Variants in SPAG16 observed in about 807,000 individuals in gnomAD.
The protein encoded by SPAG16 is sperm associated antigen 16, also known as sperm-associated antigen 16 protein.
In SPAG16, 86 loss-of-function variants were observed where a neutral mutation model predicts 80.4. The ratio of observed to expected loss-of-function variants is 1.07; its 90% CI spans 0.90 to 1.28. The LOEUF (loss-of-function observed/expected upper bound fraction) is 1.28, where lower values mean the gene tolerates loss of function less well. Ranked by LOEUF, SPAG16 falls within the 50% of genes most tolerant of loss-of-function variation. The probability of loss-of-function intolerance (pLI) is 0.00; values close to 1 mark genes in which losing one functional copy is unlikely to be tolerated. For synonymous variants in SPAG16, 294 were observed against 265.9 expected, an observed-to-expected ratio of 1.11 and a Z score of -1.03; for missense variants, 870 against 765.3, an observed-to-expected ratio of 1.14 and a Z score of -1.61.
intron 11 of SPAG16, among the ~76,000 whole-genome samples, chr2:213,920,853 G>A (rs2078188457): frequency 6.6e-6 from 1 of 152,198 alleles, no homozygotes; most frequent in Non-Finnish European, 1.5e-5. Context: ...AATCCTTTTG[G>A]CTCTGCATCA....
intron 13 of SPAG16, among the ~76,000 whole-genome samples, chr2:214,093,518 A>G (rs970521849): frequency 2.0e-5 from 3 of 147,202 alleles, no homozygotes; most frequent in East Asian, 1.9e-4. Flanking sequence ...GTGTGTATGT[A>G]TATGTGTATG....
chr2:213,479,464 G>A (rs1382928729), intron 9 of SPAG16, among the ~76,000 whole-genome samples: 1 of 150,954 alleles, frequency 6.6e-6, no homozygotes, highest in Non-Finnish European at 1.5e-5. Flanking sequence ...CTTTTTGTTT[G>A]TGTGTGTGTG....
rs569779568 is a variant in SPAG16 at position 213,562,322 on chromosome 2, T to C, written c.1070+72232T>C. Among the ~76,000 whole-genome samples, 4 of 152,332 alleles carry C rather than the reference T, an allele frequency of 2.6e-5. No homozygotes were observed. The South Asian group carries it at 8.3e-4, about 32-fold the overall frequency. ...GAAATTGCTTTTGCCCTTTGTGGTG[T>C]ATTTAATTCTGAAGACTCTGATCTT... On this transcript the variant is annotated intron_variant, in intron 10 of 15. Transcript: ENST00000331683.
At position 213,860,482 on chromosome 2, in the gene SPAG16, T is replaced by TATATATATAGATATATAG. The variant is rs143040242; in HGVS notation, c.1071-1998_1071-1997insTATAGATATATAGATATA. 1.5e-4 allele frequency among the ~76,000 whole-genome samples: 20 copies of TATATATATAGATATATAG among 132,860 alleles called. 1 individual carries two copies. Among genetic ancestry groups the TATATATATAGATATATAG allele is most frequent in the Non-Finnish European group, 2.1e-4 (13 of 62,278 alleles). 87.2% of individuals were successfully genotyped at this position (132,860 alleles called of 152,430 possible). A position where few individuals can be genotyped will look rare whatever the true frequency, so the allele number is the denominator to read the frequency against. ...ATACAGATATATCTATCTATATATATATATACACACATATGTGTGTGTACA... is the reference window on the plus strand; with the variant it reads ...ATACAGATATATCTATCTATATATATATATATATAGATATATAGATATACACACATATGTGTGTGTACA... On this transcript the variant is annotated intron_variant, in intron 10 of 15. Coordinates refer to ENST00000331683, the MANE Select transcript of SPAG16 (RefSeq NM_024532.5).
intron 15 of SPAG16, among the ~76,000 whole-genome samples, chr2:214,292,572 G>A (rs1576698158): frequency 6.6e-6 from 1 of 151,822 alleles, no homozygotes; most frequent in African/African-American, 2.4e-5. Context: ...TGATTTCTCT[G>A]TATTGCTTTA....
Position 213,722,419 on chromosome 2 carries a change from TC to T in SPAG16, c.1071-140063del, listed in dbSNP as rs561116816. On this transcript the variant is annotated intron_variant, in intron 10 of 15. Transcript: ENST00000331683. ...GAATGGGAGATTTAGAAAAGAGGTT[TC>T]CCTAACTACTCTATGCTTCTTTAAC... Among the ~76,000 whole-genome samples the T allele has an allele frequency of 9.8e-5, 15 of 152,330 alleles. No individual in the cohort carries two copies. The East Asian group carries it at 2.9e-3, about 29-fold the overall frequency.
rs373518817 is a variant in SPAG16, at chr2:213,366,723, A to G, written c.832+2578A>G. Among the ~76,000 whole-genome samples, 50 of 152,280 alleles carry G rather than the reference A, an allele frequency of 3.3e-4. 1 individual carries two copies. The highest frequency in any genetic ancestry group is 3.4e-3 in the Middle Eastern group (1 of 294). On this transcript the variant is annotated intron_variant, in intron 8 of 15. Coordinates refer to ENST00000331683, the MANE Select transcript of SPAG16 (RefSeq NM_024532.5). The stretch of plus-strand genomic sequence containing the variant: ...TTTGGGTGGGGACACAGCCCAAACC[A>G]TATCACCAAGTGTCCATTGATAGAT...
intron 10 of SPAG16, among the ~76,000 whole-genome samples, chr2:213,552,733 G>A (rs1486447159): frequency 6.6e-6 from 1 of 152,096 alleles, no homozygotes; most frequent in Non-Finnish European, 1.5e-5. Flanking sequence ...TTGAGTCAGT[G>A]GACTAGGAGA....
intron 11 of SPAG16, among the ~76,000 whole-genome samples, chr2:213,889,674 C>CAT (rs758433977): frequency 8.1e-5 from 12 of 148,150 alleles, no homozygotes; most frequent in African/African-American, 2.2e-4. Flanking sequence ...TATATACACA[C>CAT]ATATATATAC....
chr2:214,191,727 GAA>G (rs367694225), intron 15 of SPAG16, among the ~76,000 whole-genome samples: 208 of 115,824 alleles, frequency 1.8e-3, no homozygotes, highest in African/African-American at 4.6e-3. Flanking sequence ...AAAAAAAAAA[GAA>G]AAAAAAAAAA....
intron 12 of SPAG16, among the ~76,000 whole-genome samples, chr2:213,989,635 T>C (rs574872652): frequency 6.6e-6 from 1 of 152,188 alleles, no homozygotes; most frequent in South Asian, 2.1e-4. Flanking sequence ...TGACTTCTAG[T>C]GGAAACAATT....
chr2:213,424,502 A>G (rs2069787551), intron 9 of SPAG16, among the ~76,000 whole-genome samples: 1 of 152,182 alleles, frequency 6.6e-6, no homozygotes, highest in Non-Finnish European at 1.5e-5. Context: ...TAAAAATGAG[A>G]TCTTTTTATG....
intron 15 of SPAG16, among the ~76,000 whole-genome samples, chr2:214,409,068 T>C (rs1277728101): frequency 6.6e-6 from 1 of 150,986 alleles, no homozygotes; most frequent in Non-Finnish European, 1.5e-5. Flanking sequence ...CTATTAGTAC[T>C]AACTATTTAA....
intron 15 of SPAG16, among the ~76,000 whole-genome samples, chr2:214,174,346 A>C (rs2056993366): frequency 6.6e-6 from 1 of 151,996 alleles, no homozygotes; most frequent in African/African-American, 2.4e-5. Context: ...GTCTCAGCCC[A>C]AAATCTCCTT....
intron 15 of SPAG16, among the ~76,000 whole-genome samples, chr2:214,253,678 C>A (rs1401787996): frequency 2.0e-5 from 3 of 152,098 alleles, no homozygotes; most frequent in Non-Finnish European, 2.9e-5. Flanking sequence ...TGTTTTGATA[C>A]CAGTACCGTG....
chr2:213,498,366 A>G (rs1167416921), intron 10 of SPAG16, among the ~76,000 whole-genome samples: 1 of 152,156 alleles, frequency 6.6e-6, no homozygotes, highest in East Asian at 1.9e-4. Context: ...TGCCTGTGTC[A>G]TAGATCTAAA....
rs533246677 is a variant in SPAG16 at position 213,420,183 on chromosome 2, T to C, written c.942+45064T>C. 5.0e-4 allele frequency among the ~76,000 whole-genome samples: 76 copies of C among 152,346 alleles called. No individual in the cohort carries two copies. The Middle Eastern group carries it at 0.01, about 20-fold the overall frequency. ...GTAATGCATGTCAAAATAAAAATGA[T>C]GTTTATTGCTTTCTTGGAACTTACT... On this transcript the variant is annotated intron_variant, in intron 9 of 15. Transcript: ENST00000331683.
In SPAG16 at chr2:214,234,635, C is replaced by T. The variant is rs115566555; in HGVS notation, c.1720+85369C>T. On this transcript the variant is annotated intron_variant, in intron 15 of 15. Transcript: ENST00000331683. ...TAGTTTTCATTTGCATTTCTCTAAT[C>T]ATCAGTGATGTTGAGCTTTTTTTCA... Among the ~76,000 whole-genome samples, 757 of 152,176 alleles carry T rather than the reference C, an allele frequency of 5.0e-3. 5 individuals carry two copies. Among genetic ancestry groups the T allele is most frequent in the African/African-American group, 0.017 (716 of 41,552 alleles).
intron 11 of SPAG16, among the ~76,000 whole-genome samples, chr2:213,867,122 T>C (rs1006260599): frequency 1.3e-5 from 2 of 152,242 alleles, no homozygotes; most frequent in Admixed American, 1.3e-4. Context: ...TCCAGATCTT[T>C]TTTAAGGACA....
Sources: allele counts gnomAD v4.1 joint callset (sites outside exome capture counted in the v4.1 genomes callset), GRCh38; gene constraint gnomAD v4.1.1; transcripts MANE v1.5; gene names NCBI Gene and HGNC (gene_info 2026-07-23, HGNC 2026-07-21).